Variants in ARSG observed in about 807,000 individuals in gnomAD.
ARSG encodes the protein arylsulfatase G, also known as ASG.
ARSG carries 37 observed loss-of-function variants against 50.5 expected under a neutral mutation model. The ratio of observed to expected loss-of-function variants is 0.73; its 90% confidence interval spans 0.56 to 0.96. ARSG has a LOEUF of 0.96. Ranked by LOEUF, ARSG falls within the 50% of genes least tolerant of loss-of-function variation. The probability of loss-of-function intolerance (pLI) is 0.00; values close to 1 mark genes in which losing one functional copy is unlikely to be tolerated. For missense variants in ARSG, 629 were observed against 675.3 expected (o/e 0.93, Z 0.76); for synonymous variants, 225 against 254.6 (o/e 0.88, Z 1.11).
intron 1 of ARSG, chr17:68,268,597 A>G (rs2075225129): frequency 6.5e-6 from 1 of 152,692 alleles, no homozygotes; most frequent in African/African-American, 2.4e-5. Context: ...GGAATTTTAA[A>G]AATGATTGAA....
At chr17:68,309,857 C>A (rs2076776779) in intron 2 of ARSG, among the ~76,000 whole-genome samples, 1 of 121,354 alleles carries the variant, frequency 8.2e-6, no homozygotes, top group African/African-American at 4.0e-5. Flanking sequence ...GAGACTCTGT[C>A]TAAAAAAAAA....
chr17:68,388,006 G>A (rs1356861590), intron 9 of ARSG, among the ~76,000 whole-genome samples: 1 of 152,152 alleles, frequency 6.6e-6, no homozygotes, highest in Admixed American at 6.5e-5. Context: ...GGTCTTGCAC[G>A]TGACCTGCCT....
intron 1 of ARSG, among the ~76,000 whole-genome samples, chr17:68,298,627 C>A (rs1220428850): frequency 1.4e-5 from 2 of 146,944 alleles, no homozygotes; most frequent in Non-Finnish European, 3.0e-5. Context: ...GAGAAGAACA[C>A]TACTGTAGAC....
In ARSG at chr17:68,394,078, G is replaced by A. The variant is rs1422769244; in HGVS notation, c.1092-995G>A. On this transcript the variant is annotated intron_variant, in intron 9 of 11. Transcript: ENST00000621439. Reference sequence around the variant, plus strand: ...TCACATTTTGGTGGATTTTGTTCATGTCAGAACAAAATCAACTGATCCACC... The same window carrying A: ...TCACATTTTGGTGGATTTTGTTCATATCAGAACAAAATCAACTGATCCACC... Among the ~76,000 whole-genome samples, 3 of 151,832 alleles carry A rather than the reference G, an allele frequency of 2.0e-5. No homozygotes were observed. The East Asian group carries it at 5.8e-4, about 29-fold the overall frequency.
intron 11 of ARSG, among the ~76,000 whole-genome samples, chr17:68,405,605 T>G (rs990301277): frequency 6.6e-6 from 1 of 152,206 alleles, no homozygotes; most frequent in Non-Finnish European, 1.5e-5. Context: ...ACATATAAGA[T>G]TATATCATAT....
the ARSG span, among the ~76,000 whole-genome samples, chr17:68,451,841 T>C: frequency 1.3e-5 from 2 of 152,246 alleles, no homozygotes; most frequent in Non-Finnish European, 2.9e-5. Context: ...ATGACCCTCC[T>C]GAGCACAAAG....
intron 3 of ARSG, among the ~76,000 whole-genome samples, chr17:68,346,492 CT>C (rs1026747919): frequency 4.6e-5 from 7 of 152,224 alleles, no homozygotes; most frequent in Admixed American, 4.6e-4. Flanking sequence ...TCCCTGGGGT[CT>C]ACTCCTCAGA....
Position 68,298,681 on chromosome 17 carries a change from T to G in ARSG, c.-552+7113T>G, listed in dbSNP as rs569922209. ...AAAATACAGCCCAAACAACAGAAAT[T>G]TATTGTTTACAGTTCTGGAGGCTGG... On this transcript the variant is annotated intron_variant, in intron 1 of 11. Coordinates refer to ENST00000621439, the MANE Select transcript of ARSG (RefSeq NM_001267727.2). Among the ~76,000 whole-genome samples, 20 of 151,852 alleles carry G rather than the reference T, an allele frequency of 1.3e-4. 1 individual carries two copies. In the South Asian group the frequency reaches 3.5e-3, roughly 27 times the overall value.
chr17:68,439,947 C>A, the ARSG span, among the ~76,000 whole-genome samples: 2 of 152,192 alleles, frequency 1.3e-5, no homozygotes, highest in Non-Finnish European at 2.9e-5. Flanking sequence ...TGGACGCATA[C>A]CTCCAGCTGT....
At chr17:68,425,338 G>C (rs1486605951), downstream of ARSG, among the ~76,000 whole-genome samples, 1 of 151,942 alleles carries the variant, frequency 6.6e-6, no homozygotes, top group Non-Finnish European at 1.5e-5. Context: ...CGAATAGCTG[G>C]GACTACAGGC....
chr17:68,356,712 T>C lies in ARSG; in HGVS notation c.612T>C (p.Tyr204=), dbSNP rs199600156. ...ACACTGACGTGGCCCTCCCTCTTTA[T>C]GAAAACCTCAACATTGTGGAGCAGC... is the stretch of plus-strand genomic sequence containing the variant. The part of the protein sequence containing the change: ...DCYTDVALPL[Y]ENLNIVEQPV... The change falls in exon 6 of 12, where the codon TAT becomes TAC. Residue 204 remains tyrosine, a synonymous_variant. Coordinates refer to ENST00000621439, the MANE Select transcript of ARSG (RefSeq NM_001267727.2). 5.8e-5 allele frequency: 93 copies of C among 1,614,228 alleles called. No individual in the cohort carries two copies. The East Asian group carries it at 2.0e-3, about 35-fold the overall frequency.
downstream of ARSG, chr17:68,421,615 TGAG>T: frequency 2.1e-6 from 2 of 969,690 alleles, no homozygotes; most frequent in Non-Finnish European, 3.2e-6. Flanking sequence ...GGAAGCTTGG[TGAG>T]GAGTTAACCA....
At chr17:68,349,385 T>A (rs1383937379) in intron 4 of ARSG, among the ~76,000 whole-genome samples, 2 of 152,172 alleles carry the variant, frequency 1.3e-5, no homozygotes, top group African/African-American at 2.4e-5. Context: ...AATGGCAGAG[T>A]TGAGTGGCCT....
In ARSG at chr17:68,411,039, G is replaced by A. The variant is rs537067848; in HGVS notation, c.1304-9150G>A. Among the ~76,000 whole-genome samples, 34 of 151,956 alleles carry A rather than the reference G, an allele frequency of 2.2e-4. No individual in the cohort carries two copies. In the South Asian group the frequency reaches 5.0e-3, roughly 22 times the overall value. On this transcript the variant is annotated intron_variant, in intron 11 of 11. Coordinates refer to ENST00000621439, the MANE Select transcript of ARSG (RefSeq NM_001267727.2). ...TTTTTTCTTTATTTGTCTTGCTAGC[G>A]GTCTATCAATTTTGTTGATCCTTTC...
chr17:68,353,069 GA>G (rs1241020567), intron 5 of ARSG, among the ~76,000 whole-genome samples: 1 of 152,054 alleles, frequency 6.6e-6, no homozygotes, highest in Non-Finnish European at 1.5e-5. Context: ...TATTTATTGA[GA>G]AATTGTTACA....
chr17:68,275,938 G>A (rs1284516144), intron 1 of ARSG, among the ~76,000 whole-genome samples: 1 of 148,974 alleles, frequency 6.7e-6, no homozygotes, highest in Non-Finnish European at 1.5e-5. Flanking sequence ...AGCTGAGACC[G>A]CACCACTGCA....
intron 2 of ARSG, among the ~76,000 whole-genome samples, chr17:68,318,139 G>T (rs2077143807): frequency 6.6e-6 from 1 of 151,600 alleles, no homozygotes; most frequent in Admixed American, 6.6e-5. Flanking sequence ...GGAGATGAAA[G>T]CAACTTGCAT....
chr17:68,326,013 C>T (rs1458552052), intron 2 of ARSG, among the ~76,000 whole-genome samples: 5 of 152,210 alleles, frequency 3.3e-5, no homozygotes, highest in African/African-American at 9.6e-5. Flanking sequence ...GTGCAGGACC[C>T]GAGCTGCTGT....
At chr17:68,289,384 T>C (rs182724852), upstream of ARSG, among the ~76,000 whole-genome samples, 140 of 152,268 alleles carry the variant, frequency 9.2e-4, 1 homozygote, top group South Asian at 7.3e-3. Flanking sequence ...GAGAGAAGAT[T>C]TGGCCCGAGG....
Sources: gnomAD v4.1 joint callset for allele counts (sites outside exome capture counted in the v4.1 genomes callset) on GRCh38, gnomAD v4.1.1 for gene constraint, MANE v1.5 for transcripts, NCBI Gene and HGNC (gene_info 2026-07-23, HGNC 2026-07-21) for gene names.